The following FAM151A variants were observed in gnomAD, a reference collection of about 807,000 sequenced individuals.
The protein encoded by FAM151A is family with sequence similarity 151 member A.
FAM151A carries 41 observed loss-of-function variants against 40.4 expected under a neutral mutation model. That is an observed-to-expected ratio of 1.01 (90% CI 0.79 to 1.32). The LOEUF (loss-of-function observed/expected upper bound fraction) is 1.32. Ranked by LOEUF, FAM151A falls within the 40% of genes most tolerant of loss-of-function variation. FAM151A has a pLI of 0.00. For synonymous variants in FAM151A, 337 were observed against 312.5 expected, an observed-to-expected ratio of 1.08 and a Z score of -0.83; for missense variants, 740 against 740.4, an observed-to-expected ratio of 1.00 and a Z score of 0.01.
chr1:54,619,459 G>T (rs1023221711), intron 2 of FAM151A, among the ~76,000 whole-genome samples: 2 of 152,126 alleles, frequency 1.3e-5, no homozygotes, highest in African/African-American at 2.4e-5. Context: ...CAGATTGCAT[G>T]GTAGTCCCAG....
rs1000157062 is a variant in FAM151A, at chr1:54,623,509, C to T, written c.-114G>A. On this transcript the variant is annotated 5_prime_UTR_variant, in exon 1 of 8. Transcript: ENST00000302250. ...CTCCCAGCAGCACCTAATTCTCCAC[C>T]GGGCCTGGTCTGCTCTGCAGCCCTG... The T allele has an allele frequency of 1.0e-5, 8 of 769,374 alleles. No individual in the cohort carries two copies. Among genetic ancestry groups the T allele is most frequent in the East Asian group, 2.4e-5 (1 of 40,948 alleles). 47.7% of individuals were successfully genotyped at this position (769,374 alleles called of 1,614,324 possible).
rs1397234356 is a variant in FAM151A at position 54,612,416 on chromosome 1, T to C, written c.800+70A>G. ...ATGACCTTTAAGACCCTTCCAGCCA[T>C]GAGCTTCTGGGATCTTGCTGGGGGC... is the stretch of plus-strand genomic sequence containing the variant. On this transcript the variant is annotated intron_variant, in intron 5 of 7. Coordinates refer to ENST00000302250, the MANE Select transcript of FAM151A (RefSeq NM_176782.3). 6.0e-6 allele frequency: 7 copies of C among 1,158,948 alleles called. No individual in the cohort carries two copies. The East Asian group carries it at 1.2e-4, about 20-fold the overall frequency. The allele number at this position is 1,158,948 out of a possible 1,614,324, so 71.8% of individuals were successfully genotyped here. A position where few individuals can be genotyped will look rare whatever the true frequency, so the allele number is the denominator to read the frequency against.
intron 2 of FAM151A, among the ~76,000 whole-genome samples, chr1:54,618,353 A>G (rs1031118815): frequency 2.0e-5 from 3 of 152,032 alleles, no homozygotes; most frequent in African/African-American, 7.2e-5. Flanking sequence ...AAAATACAAA[A>G]ATTAGCCAGG....
chr1:54,623,263 G>T lies in FAM151A; in HGVS notation c.118+15C>A, dbSNP rs575549324. 3.1e-6 allele frequency: 5 copies of T among 1,588,756 alleles called. No individual in the cohort carries two copies. The highest frequency in any genetic ancestry group is 4.3e-6 in the Non-Finnish European group (5 of 1,157,426). On this transcript the variant is annotated intron_variant, in intron 1 of 7. Coordinates refer to ENST00000302250, the MANE Select transcript of FAM151A (RefSeq NM_176782.3). ...GAGGGAAGCCACTCAGGATGACATG[G>T]GGGGAGGCACCTACCTGGCCGCCGC...
At chr1:54,610,735 A>C in intron 6 of FAM151A, 180 bp from the exon 7 acceptor site, 2 of 982,326 alleles carry the variant, frequency 2.0e-6, no homozygotes, top group Non-Finnish European at 2.4e-6. Flanking sequence ...CCAAGGTCTT[A>C]TAAGCAGTAA....
Position 54,623,369 on chromosome 1 carries a change from C to A in FAM151A, c.27G>T (p.Lys9Asn). 5 of 1,613,968 alleles carry A rather than the reference C, an allele frequency of 3.1e-6. No individual in the cohort carries two copies. The highest frequency in any genetic ancestry group is 4.2e-6 in the Non-Finnish European group (5 of 1,179,950). Reference protein sequence around the residue: MVCREQLSKNQVKWVFAGI... With the variant: MVCREQLSNNQVKWVFAGI... ...CGGCAAACACCCACTTGACCTGATT[C>A]TTTGATAACTGCTCCCTGCAGACCA... Residue 9 changes from lysine (K) to asparagine (N), a missense_variant, in exon 1 of 8, where the codon AAG (lysine) becomes AAT (asparagine). Lys to Asn is a moderately conservative substitution (Grantham distance 94). Coordinates refer to ENST00000302250, the MANE Select transcript of FAM151A (RefSeq NM_176782.3).
chr1:54,612,438 G>T lies in FAM151A; in HGVS notation c.800+48C>A, dbSNP rs764002595. ...CCATGAGCTTCTGGGATCTTGCTGG[G>T]GGCATCAGTGCCTCCAGGAGGGTGG... On this transcript the variant is annotated intron_variant, in intron 5 of 7. Coordinates refer to ENST00000302250, the MANE Select transcript of FAM151A (RefSeq NM_176782.3). 9.4e-5 allele frequency: 127 copies of T among 1,356,360 alleles called. 1 individual carries two copies. The South Asian group carries it at 1.4e-3, about 15-fold the overall frequency. 84.0% of individuals were successfully genotyped at this position (1,356,360 alleles called of 1,614,324 possible).
rs749628120 is a variant in FAM151A, at chr1:54,612,472, T to C, written c.800+14A>G. 5 of 1,600,656 alleles carry C rather than the reference T, an allele frequency of 3.1e-6. No homozygotes were observed. In the South Asian group the frequency reaches 4.4e-5, roughly 14 times the overall value. ...TGCCTCCAGGAGGGTGGGGGTGGGTTTGGTGGTTTTCACCTCTCAGATTGG... is the reference window on the plus strand; with the variant it reads ...TGCCTCCAGGAGGGTGGGGGTGGGTCTGGTGGTTTTCACCTCTCAGATTGG... On this transcript the variant is annotated intron_variant, in intron 5 of 7. Coordinates refer to ENST00000302250, the MANE Select transcript of FAM151A (RefSeq NM_176782.3).
In FAM151A at chr1:54,609,302, T is replaced by TGGTAGCCCTGG; in HGVS notation, c.1713_1723dup (p.His575ProfsTer?). On this transcript the variant is annotated frameshift_variant, in exon 8 of 8. Transcript: ENST00000302250. LOFTEE classifies it high-confidence loss of function. ...ACCAACATGAGCCAGCAAGTCCTTG[T>TGGTAGCCCTGG]GGTAGCCCTGGGGTAGCCTGTAGTA... 2 of 1,610,316 alleles carry TGGTAGCCCTGG rather than the reference T, an allele frequency of 1.2e-6. No homozygotes were observed. The highest frequency in any genetic ancestry group is 1.7e-6 in the Non-Finnish European group (2 of 1,177,168).
chr1:54,616,025 TG>T lies in FAM151A; in HGVS notation c.409del (p.Gln137LysfsTer24). 6.2e-7 allele frequency: 1 copy of T among 1,613,740 alleles called. No individual in the cohort carries two copies. Among genetic ancestry groups the T allele is most frequent in the East Asian group, 2.2e-5 (1 of 44,856 alleles). On this transcript the variant is annotated frameshift_variant, in exon 3 of 8. Coordinates refer to ENST00000302250, the MANE Select transcript of FAM151A (RefSeq NM_176782.3). LOFTEE classifies it high-confidence loss of function. ...QWLDAVLGSSQKGIKLDFKNI... is the reference protein window; with the variant it reads ...QWLDAVLGSSXKGIKLDFKNI... Reference sequence around the variant, plus strand: ...GTTTCCAGAGAGGCCCTTACCCTTTTGGGAAGAGCCCAGCACAGCGTCCAGC... The same window carrying T: ...GTTTCCAGAGAGGCCCTTACCCTTTTGGAAGAGCCCAGCACAGCGTCCAGC...
rs1444952252 is a variant in FAM151A, at chr1:54,621,696, T to TGGAGGGCTGGAGGGC, written c.118+1567_118+1581dup. The stretch of plus-strand genomic sequence containing the variant: ...TTCGAAGCTTCTCACAGGGCAGGGC[T>TGGAGGGCTGGAGGGC]GGAGGGCTGGAGGGCAGAGGGCAGA... On this transcript the variant is annotated intron_variant, in intron 1 of 7. Coordinates refer to ENST00000302250, the MANE Select transcript of FAM151A (RefSeq NM_176782.3). 5 of 152,562 alleles carry TGGAGGGCTGGAGGGC rather than the reference T, an allele frequency of 3.3e-5. No individual in the cohort carries two copies. In the East Asian group the frequency reaches 9.7e-4, roughly 29 times the overall value. The allele number at this position is 152,562 out of a possible 1,614,324, so 9.5% of individuals were successfully genotyped here. A position where few individuals can be genotyped will look rare whatever the true frequency, so the allele number is the denominator to read the frequency against.
Position 54,609,787 on chromosome 1 carries a change from C to T in FAM151A, c.1239G>A (p.Leu413=). ...ATHPGHWGIH[L]QIAEPAALRP... ...GGAGGGCTGCGGGCTCCGCTATTTG[C>T]AAATGGATGCCCCAGTGTCCGGGAT... Residue 413 remains leucine, a synonymous_variant, in exon 8 of 8, where the codon TTG becomes TTA. Coordinates refer to ENST00000302250, the MANE Select transcript of FAM151A (RefSeq NM_176782.3). 1 of 1,614,194 alleles carries T rather than the reference C, an allele frequency of 6.2e-7. No individual in the cohort carries two copies. The highest frequency in any genetic ancestry group is 2.2e-5 in the East Asian group (1 of 44,890).
rs141290288 is a variant in FAM151A at position 54,618,655 on chromosome 1, G to A, written c.262+1209C>T. Among the ~76,000 whole-genome samples the A allele has an allele frequency of 1.9e-3, 288 of 152,290 alleles. 6 individuals carry two copies. In the East Asian group the frequency reaches 0.036, roughly 19 times the overall value. On this transcript the variant is annotated intron_variant, in intron 2 of 7. Coordinates refer to ENST00000302250, the MANE Select transcript of FAM151A (RefSeq NM_176782.3). ...GGATTTGTTTCCTGTGGCCACAGCT[G>A]TAGCCCTGGTCCTCAGGAAGCCATA...
rs778591642 is a variant in FAM151A at position 54,609,338 on chromosome 1, C to T, written c.1688G>A (p.Arg563Lys). 1.1e-5 allele frequency: 18 copies of T among 1,613,984 alleles called. No individual in the cohort carries two copies. The highest frequency in any genetic ancestry group is 1.5e-5 in the Non-Finnish European group (18 of 1,179,970). ...GGGTAGCCTGTAGTAGACTCGGGTC[C>T]TGTCCACAGCCCTAGCTGCCAGCAA... ...TALLAARAVD[R>K]TRVYYRLPQG... is the part of the protein sequence containing the mutation. Residue 563 changes from arginine to lysine, a missense_variant, in exon 8 of 8, where the codon AGG (arginine) becomes AAG (lysine). Coordinates refer to ENST00000302250, the MANE Select transcript of FAM151A (RefSeq NM_176782.3).
At chr1:54,613,409 T>C (rs924389148) in intron 4 of FAM151A, among the ~76,000 whole-genome samples, 3 of 151,978 alleles carry the variant, frequency 2.0e-5, no homozygotes, top group African/African-American at 4.8e-5. Context: ...CCTGTCTTCC[T>C]GCTTTCCTCC....
At position 54,619,967 on chromosome 1, in the gene FAM151A, C is replaced by T. The variant is rs1284123441; in HGVS notation, c.159G>A (p.Leu53=). Residue 53 remains leucine, a synonymous_variant, in exon 2 of 8, where the codon CTG becomes CTA. Transcript: ENST00000302250. ...LEACSPDADM[L]DYLLSLGQIS... ...TCTGGCCCAGGCTCAGCAGGTAGTCCAGCATGTCGGCATCAGGGCTGCAGG... is the reference window on the plus strand; with the variant it reads ...TCTGGCCCAGGCTCAGCAGGTAGTCTAGCATGTCGGCATCAGGGCTGCAGG... 1 of 1,614,152 alleles carries T rather than the reference C, an allele frequency of 6.2e-7. No homozygotes were observed. The highest frequency in any genetic ancestry group is 8.5e-7 in the Non-Finnish European group (1 of 1,180,034).
rs758848018 is a variant in FAM151A at position 54,612,633 on chromosome 1, G to T, written c.653C>A (p.Ser218Tyr). ...PGWTTFYMST[S>Y]PNRTYTQAMV... ...GGCTTGGGTGTACGTCCTGTTTGGGGACGTGGACATGTAGAAGGTGGTCCA... is the reference window on the plus strand; with the variant it reads ...GGCTTGGGTGTACGTCCTGTTTGGGTACGTGGACATGTAGAAGGTGGTCCA... The change falls in exon 5 of 8, where the codon TCC (serine) becomes TAC (tyrosine). Residue 218 changes from serine to tyrosine, a missense_variant. Ser to Tyr is a moderately radical substitution (Grantham distance 144). Transcript: ENST00000302250. The T allele has an allele frequency of 3.1e-6, 5 of 1,614,096 alleles. No individual in the cohort carries two copies. In the Admixed American group the frequency reaches 5.0e-5, roughly 16 times the overall value.
chr1:54,615,253 G>A (rs1397260309), intron 3 of FAM151A, among the ~76,000 whole-genome samples: 1 of 152,140 alleles, frequency 6.6e-6, no homozygotes, highest in Non-Finnish European at 1.5e-5. Context: ...CCAAGAAGGT[G>A]CATTTGAGTA....
At chr1:54,614,997 G>GCAC in intron 3 of FAM151A, 138 bp from the exon 4 acceptor site, 1 of 810,816 alleles carries the variant, frequency 1.2e-6, no homozygotes, top group Non-Finnish European at 1.9e-6. Context: ...GGAAGGACCA[G>GCAC]CACCACATCC....
Sources: allele counts gnomAD v4.1 joint callset (sites outside exome capture counted in the v4.1 genomes callset), GRCh38; gene constraint gnomAD v4.1.1; transcripts MANE v1.5; gene names NCBI Gene and HGNC (gene_info 2026-07-23, HGNC 2026-07-21).